PDE4B: variants seen among roughly 807,000 people sequenced by gnomAD.
PDE4B encodes phosphodiesterase 4B.
A neutral mutation model predicts 82.2 loss-of-function variants in PDE4B; 20 were observed. The ratio of observed to expected loss-of-function variants is 0.24; its 90% CI spans 0.17 to 0.35. The LOEUF is 0.35. Among genes scored for constraint, PDE4B ranks in the 10% least tolerant of loss-of-function variants. The pLI is 1.00. For synonymous variants in PDE4B, 320 were observed against 318.9 expected, an observed-to-expected ratio of 1.00 and a Z score of -0.04; for missense variants, 655 against 907.2, an observed-to-expected ratio of 0.72 and a Z score of 3.57.
intron 1 of PDE4B, among the ~76,000 whole-genome samples, chr1:65,872,269 C>T (rs1230939352): frequency 2.6e-5 from 4 of 151,974 alleles, no homozygotes; most frequent in Non-Finnish European, 4.4e-5. Flanking sequence ...GTCACATTTA[C>T]GAGTGATAAA....
chr1:66,199,073 G>A (rs938463808), intron 3 of PDE4B, among the ~76,000 whole-genome samples: 6 of 151,622 alleles, frequency 4.0e-5, no homozygotes, highest in African/African-American at 1.2e-4. Context: ...ATAAACATAC[G>A]TGTGCATGTG....
At position 65,856,886 on chromosome 1, in the gene PDE4B, T is replaced by C. The variant is rs111986953; in HGVS notation, c.-70-56359T>C. Among the ~76,000 whole-genome samples the C allele has an allele frequency of 2.2e-3, 335 of 152,300 alleles. 1 individual carries two copies. The highest frequency in any genetic ancestry group is 7.4e-3 in the African/African-American group (308 of 41,580). On this transcript the variant is annotated intron_variant, in intron 1 of 16. Coordinates refer to ENST00000341517, the MANE Select transcript of PDE4B (RefSeq NM_002600.4). ...CTTAACACTGGCAGTCCCACAGATA[T>C]ACTCCTTCCTTCGAAGTAGCCCCAC...
intron 3 of PDE4B, among the ~76,000 whole-genome samples, chr1:66,068,230 C>G (rs1460549935): frequency 6.6e-6 from 1 of 151,858 alleles, no homozygotes; most frequent in African/African-American, 2.4e-5. Flanking sequence ...AGGAATAGCA[C>G]AGAGCAGAAA....
chr1:65,982,664 T>C (rs1165785359), intron 3 of PDE4B, among the ~76,000 whole-genome samples: 1 of 152,140 alleles, frequency 6.6e-6, no homozygotes, highest in African/African-American at 2.4e-5. Context: ...AACAAGATTT[T>C]TGAGAGTTTT....
At position 66,365,176 on chromosome 1, in the gene PDE4B, T is replaced by G. The variant is rs544986740; in HGVS notation, c.1285-491T>G. Among the ~76,000 whole-genome samples, 4 of 152,312 alleles carry G rather than the reference T, an allele frequency of 2.6e-5. No homozygotes were observed. In the South Asian group the frequency reaches 8.3e-4, roughly 32 times the overall value. ...AATGAATGAATAATATCTGAAAGCT[T>G]GTGACCACACCATAAATTTAGCTTT... On this transcript the variant is annotated intron_variant, in intron 12 of 16. Transcript: ENST00000341517.
chr1:66,104,407 A>G (rs1383209896), intron 3 of PDE4B, among the ~76,000 whole-genome samples: 2 of 143,102 alleles, frequency 1.4e-5, no homozygotes, highest in Non-Finnish European at 3.1e-5. Context: ...ATACGTGTGC[A>G]TGTGTCTTTA....
rs985179485 is a variant in PDE4B at position 65,860,028 on chromosome 1, C to G, written c.-70-53217C>G. On this transcript the variant is annotated intron_variant, in intron 1 of 16. Transcript: ENST00000341517. ...TGTAGGCATTATGAATTAAAACTCT[C>G]TCTCTGTTTTTTAAAATTTTTCTTT... Among the ~76,000 whole-genome samples, 63 of 152,054 alleles carry G rather than the reference C, an allele frequency of 4.1e-4. 1 individual carries two copies. The highest frequency in any genetic ancestry group is 4.7e-4 in the Non-Finnish European group (32 of 67,962).
intron 3 of PDE4B, among the ~76,000 whole-genome samples, chr1:66,215,874 C>G (rs74613510): frequency 0.032 from 4,931 of 152,156 alleles, 131 homozygotes; most frequent in Middle Eastern, 0.095. Context: ...GCTACACTGG[C>G]AGGATGAGTA....
chr1:66,266,109 A>G (rs1266144853), intron 7 of PDE4B, 22 bp downstream of exon 7: 2 of 1,575,146 alleles, frequency 1.3e-6, no homozygotes, highest in African/African-American at 1.3e-5. Flanking sequence ...CATAAGGTCT[A>G]TCTAGATGTT....
intron 3 of PDE4B, among the ~76,000 whole-genome samples, chr1:66,116,817 G>A (rs1278131489): frequency 2.0e-5 from 3 of 152,050 alleles, no homozygotes; most frequent in East Asian, 3.9e-4. Context: ...CTCCATCCTC[G>A]GCCTCCCAAA....
intron 1 of PDE4B, among the ~76,000 whole-genome samples, chr1:65,804,054 AAC>A (rs1278383086): frequency 6.6e-6 from 1 of 152,202 alleles, no homozygotes; most frequent in African/African-American, 2.4e-5. Context: ...CATGTAAAGA[AAC>A]AGTCTTTAAA....
intron 3 of PDE4B, among the ~76,000 whole-genome samples, chr1:66,231,461 G>A (rs975269656): frequency 1.3e-5 from 2 of 152,228 alleles, no homozygotes; most frequent in African/African-American, 4.8e-5. Flanking sequence ...GTTGTGAAAA[G>A]ATGAAGTGAG....
At chr1:66,254,115 G>C (rs1007062205) in intron 4 of PDE4B, among the ~76,000 whole-genome samples, 31 of 152,252 alleles carry the variant, frequency 2.0e-4, no homozygotes, top group Admixed American at 4.6e-4. Context: ...AGTCATAGAA[G>C]ATGCACTTAA....
rs115193663 is a variant in PDE4B at position 65,838,502 on chromosome 1, C to T, written c.-71+45254C>T. On this transcript the variant is annotated intron_variant, in intron 1 of 16. Coordinates refer to ENST00000341517, the MANE Select transcript of PDE4B (RefSeq NM_002600.4). ...ATATATACGTATATGTATATATATA[C>T]GTATATGTATATATATGTATATGTA... Among the ~76,000 whole-genome samples, 312 of 143,892 alleles carry T rather than the reference C, an allele frequency of 2.2e-3. 1 individual carries two copies. The highest frequency in any genetic ancestry group is 7.5e-3 in the Middle Eastern group (2 of 268). The allele number at this position is 143,892 out of a possible 152,430, so 94.4% of individuals were successfully genotyped here. A position where few individuals can be genotyped will look rare whatever the true frequency, so the allele number is the denominator to read the frequency against.
intron 1 of PDE4B, among the ~76,000 whole-genome samples, chr1:65,892,276 A>G (rs952909179): frequency 2.6e-5 from 4 of 152,072 alleles, no homozygotes; most frequent in African/African-American, 9.7e-5. Context: ...CCAGGTATCT[A>G]TCTACAAACC....
At chr1:66,125,402 T>A (rs1245668416) in intron 3 of PDE4B, among the ~76,000 whole-genome samples, 1 of 152,182 alleles carries the variant, frequency 6.6e-6, no homozygotes, top group Non-Finnish European at 1.5e-5. Context: ...GACATCATGA[T>A]CCACCTGTCT....
intron 3 of PDE4B, among the ~76,000 whole-genome samples, chr1:66,203,565 C>T (rs1182069900): frequency 6.6e-6 from 1 of 152,052 alleles, no homozygotes. Flanking sequence ...CTTTTTTTCT[C>T]TTAACTTCCC....
At chr1:66,003,951 C>A (rs1367123422) in intron 3 of PDE4B, among the ~76,000 whole-genome samples, 1 of 152,124 alleles carries the variant, frequency 6.6e-6, no homozygotes, top group Non-Finnish European at 1.5e-5. Flanking sequence ...CTTTCACATG[C>A]TCATTTATCA....
At chr1:66,114,729 G>A (rs1645559469) in intron 3 of PDE4B, among the ~76,000 whole-genome samples, 1 of 149,426 alleles carries the variant, frequency 6.7e-6, no homozygotes. Context: ...TCTGCTTCCT[G>A]GGTTCAAGCG....
Sources: allele counts gnomAD v4.1 joint callset (sites outside exome capture counted in the v4.1 genomes callset), GRCh38; gene constraint gnomAD v4.1.1; transcripts MANE v1.5; gene names NCBI Gene and HGNC (gene_info 2026-07-23, HGNC 2026-07-21).